CYTIP: variants seen among roughly 807,000 people sequenced by gnomAD.
CYTIP encodes cytohesin-interacting protein.
Under a neutral mutation model 43.8 loss-of-function variants are expected in CYTIP, and 26 were observed. The observed-to-expected ratio is 0.59, with a 90% CI of 0.44 to 0.82. CYTIP has a LOEUF of 0.82. Ranked by LOEUF, CYTIP falls within the 40% of genes least tolerant of loss-of-function variation. The pLI, the probability that CYTIP is intolerant of heterozygous loss-of-function variation, is 0.00. For synonymous variants in CYTIP, 162 were observed against 162.9 expected (o/e 0.99, Z 0.04); for missense variants, 426 against 443.1 (o/e 0.96, Z 0.35).
chr2:157,434,599 G>GAA lies in CYTIP; in HGVS notation c.224+98_224+99insTT, dbSNP rs1167442953. The GAA allele has an allele frequency of 8.5e-6, 7 of 822,364 alleles. No individual in the cohort carries two copies. In the Middle Eastern group the frequency reaches 1.0e-3, roughly 123 times the overall value. 50.9% of individuals were successfully genotyped at this position (822,364 alleles called of 1,614,324 possible). A position where few individuals can be genotyped will look rare whatever the true frequency, so the allele number is the denominator to read the frequency against. On this transcript the variant is annotated intron_variant, in intron 2 of 7. Transcript: ENST00000264192. ...GTGTGCGTCTGTGTGTGTGCGTAGA[G>GAA]AGAGAGAGAGAGAGAGAGGAAGAGA...
Position 157,418,592 on chromosome 2 carries a change from G to C in CYTIP, c.547-3C>G. The C allele has an allele frequency of 6.9e-7, 1 of 1,447,556 alleles. No individual in the cohort carries two copies. 89.7% of individuals were successfully genotyped at this position (1,447,556 alleles called of 1,614,324 possible). ...ACCCATTTTTGTTTCAAAGTTTGCT[G>C]TGAGATTAAAAAAAAAAAAAAAAAG... On this transcript the variant is annotated splice_polypyrimidine_tract_variant and splice_region_variant and intron_variant, in intron 6 of 7. Coordinates refer to ENST00000264192, the MANE Select transcript of CYTIP (RefSeq NM_004288.5).
At chr2:157,434,634 A>G (rs1273944877) in intron 2 of CYTIP, 64 bp downstream of exon 2, 5 of 1,273,262 alleles carry the variant, frequency 3.9e-6, no homozygotes, top group Non-Finnish European at 5.7e-6. Flanking sequence ...AGAGGAAAAA[A>G]CAGTCTGGAG....
chr2:157,425,686 C>T (rs751765202), intron 6 of CYTIP, among the ~76,000 whole-genome samples: 8 of 152,042 alleles, frequency 5.3e-5, no homozygotes, highest in Admixed American at 1.3e-4. Flanking sequence ...CCCTATTTTT[C>T]ATTCTTGTTT....
chr2:157,422,650 AC>A (rs1685539829), intron 6 of CYTIP, among the ~76,000 whole-genome samples: 1 of 150,958 alleles, frequency 6.6e-6, no homozygotes, highest in Admixed American at 6.6e-5. Context: ...AGCCTGGGTG[AC>A]AAGGGCGAAA....
At chr2:157,434,291 A>AT (rs1685758002) in intron 3 of CYTIP, 79 bp downstream of exon 3, 1 of 1,155,158 alleles carries the variant, frequency 8.7e-7, no homozygotes. Context: ...TCCTAACTTC[A>AT]TTTTTTCTTT....
intron 6 of CYTIP, 96 bp from the exon 7 acceptor site, chr2:157,418,685 T>G: frequency 4.3e-6 from 5 of 1,164,074 alleles, no homozygotes; most frequent in Non-Finnish European, 5.9e-6. Context: ...TGTCATTAAA[T>G]TTTTTACCTT....
intron 5 of CYTIP, among the ~76,000 whole-genome samples, chr2:157,428,159 G>C (rs887538730): frequency 2.0e-5 from 3 of 152,114 alleles, no homozygotes; most frequent in South Asian, 4.1e-4. Flanking sequence ...GATTTGTTCT[G>C]TGTGTTCAAG....
At chr2:157,442,263 A>C (rs906362717) in intron 1 of CYTIP, among the ~76,000 whole-genome samples, 1 of 152,132 alleles carries the variant, frequency 6.6e-6, no homozygotes, top group Non-Finnish European at 1.5e-5. Flanking sequence ...CTGAATTGTA[A>C]ACAGTATATG....
At chr2:157,431,628 A>T (rs1685715237) in intron 3 of CYTIP, among the ~76,000 whole-genome samples, 1 of 152,194 alleles carries the variant, frequency 6.6e-6, no homozygotes, top group South Asian at 2.1e-4. Context: ...ATTTTTAATT[A>T]TACCAAAACA....
intron 7 of CYTIP, among the ~76,000 whole-genome samples, chr2:157,417,507 G>A (rs978252591): frequency 5.3e-5 from 8 of 152,084 alleles, no homozygotes; most frequent in African/African-American, 1.7e-4. Flanking sequence ...AGGCTAAAAA[G>A]CCCTCATGTC....
intron 6 of CYTIP, among the ~76,000 whole-genome samples, chr2:157,419,604 G>C (rs138504051): frequency 1.3e-5 from 2 of 152,276 alleles, no homozygotes; most frequent in African/African-American, 4.8e-5. Context: ...ATTCTCTACT[G>C]TTCCCCTTCC....
At chr2:157,434,552 G>T in intron 2 of CYTIP, 128 bp from the exon 3 acceptor site, 1 of 914,396 alleles carries the variant, frequency 1.1e-6, no homozygotes, top group Non-Finnish European at 1.7e-6. Context: ...TAGTATGTAA[G>T]ATTCTGTGTG....
rs146490977 is a variant in CYTIP, at chr2:157,416,140, T to C, written c.617A>G (p.Asp206Gly). 1.1e-4 allele frequency: 181 copies of C among 1,605,184 alleles called. No individual in the cohort carries two copies. The highest frequency in any genetic ancestry group is 1.5e-4 in the Non-Finnish European group (177 of 1,175,532). Residue 206 changes from aspartate (D) to glycine (G), a missense_variant, in exon 8 of 8, where the codon GAT becomes GGT. Asp to Gly is a moderately conservative substitution (Grantham distance 94). Coordinates refer to ENST00000264192, the MANE Select transcript of CYTIP (RefSeq NM_004288.5). ...QLQEHRLLHG[D>G]AANCPSLENM... ...TTCCAAACTGGGGCAATTAGCTGCA[T>C]CACCTAGAGCACAAAGTCTACTGTG...
intron 6 of CYTIP, among the ~76,000 whole-genome samples, chr2:157,424,510 CA>C (rs2105136115): frequency 6.6e-6 from 1 of 151,724 alleles, no homozygotes; most frequent in South Asian, 2.1e-4. Flanking sequence ...GTTGTTTCCT[CA>C]AATTGATATA....
At chr2:157,437,915 A>G (rs1238874596) in intron 1 of CYTIP, among the ~76,000 whole-genome samples, 1 of 152,154 alleles carries the variant, frequency 6.6e-6, no homozygotes, top group Admixed American at 6.5e-5. Context: ...ACTTTCATAC[A>G]CTGTTAGTGG....
chr2:157,422,505 C>T (rs1435587339), intron 6 of CYTIP, among the ~76,000 whole-genome samples: 3 of 151,952 alleles, frequency 2.0e-5, no homozygotes, highest in Admixed American at 6.5e-5. Context: ...CCTGTCTCTA[C>T]TAAAAATACA....
intron 2 of CYTIP, 63 bp downstream of exon 2, chr2:157,434,635 C>A: frequency 7.9e-7 from 1 of 1,269,762 alleles, no homozygotes; most frequent in Admixed American, 1.8e-5. Flanking sequence ...GAGGAAAAAA[C>A]AGTCTGGAGA....
At position 157,427,217 on chromosome 2, in the gene CYTIP, T is replaced by C. The variant is rs1364477586; in HGVS notation, c.546+134A>G. On this transcript the variant is annotated intron_variant, in intron 6 of 7. Coordinates refer to ENST00000264192, the MANE Select transcript of CYTIP (RefSeq NM_004288.5). Reference sequence around the variant, plus strand: ...CCTCCAAAGGTAATTGTGCGGCTCTTGATAATTCAGCAGTTTAGATTCACC... The same window carrying C: ...CCTCCAAAGGTAATTGTGCGGCTCTCGATAATTCAGCAGTTTAGATTCACC... 6 of 699,746 alleles carry C rather than the reference T, an allele frequency of 8.6e-6. No individual in the cohort carries two copies. The Admixed American group carries it at 1.2e-4, about 14-fold the overall frequency. The allele number at this position is 699,746 out of a possible 1,614,324, so 43.3% of individuals were successfully genotyped here.
intron 1 of CYTIP, among the ~76,000 whole-genome samples, chr2:157,440,496 A>T (rs556890282): frequency 6.6e-6 from 1 of 152,306 alleles, no homozygotes; most frequent in Admixed American, 6.5e-5. Context: ...TAAAATTGTC[A>T]TGAGGTGATT....
Sources: allele counts gnomAD v4.1 joint callset (sites outside exome capture counted in the v4.1 genomes callset), GRCh38; gene constraint gnomAD v4.1.1; transcripts MANE v1.5; gene names NCBI Gene and HGNC (gene_info 2026-07-23, HGNC 2026-07-21).